Variants in CPA6 observed in about 807,000 individuals in gnomAD.
CPA6 encodes the protein carboxypeptidase A6, also known as carboxypeptidase B.
Under a neutral mutation model 63.3 loss-of-function variants are expected in CPA6, and 58 were observed. The observed-to-expected ratio is 0.92, with a 90% CI of 0.74 to 1.14. The LOEUF is 1.14. Ranked by LOEUF, CPA6 falls within the 50% of genes most tolerant of loss-of-function variation. CPA6 has a pLI of 0.00. For missense variants in CPA6, 565 were observed against 526.6 expected (o/e 1.07, Z -0.71); for synonymous variants, 185 against 179.0 (o/e 1.03, Z -0.27).
chr8:67,620,404 A>G (rs1051603265), intron 2 of CPA6, among the ~76,000 whole-genome samples: 2 of 152,160 alleles, frequency 1.3e-5, no homozygotes, highest in Non-Finnish European at 1.5e-5. Flanking sequence ...GGGCATGTAC[A>G]CCAGAGGGGA....
chr8:67,524,613 C>CTTTTTTTTTT (rs71554611), intron 2 of CPA6, among the ~76,000 whole-genome samples: 1 of 149,820 alleles, frequency 6.7e-6, no homozygotes, highest in African/African-American at 2.5e-5. Flanking sequence ...TTTGAAAAAA[C>CTTTTTTTTTT]TTTTTTTGTT....
At chr8:67,557,414 T>C (rs752973352) in intron 2 of CPA6, among the ~76,000 whole-genome samples, 6 of 152,198 alleles carry the variant, frequency 3.9e-5, no homozygotes, top group Non-Finnish European at 7.3e-5. Context: ...GCAGCTTCCA[T>C]TTCACTCCTT....
intron 1 of CPA6, among the ~76,000 whole-genome samples, chr8:67,635,329 A>G (rs901238106): frequency 6.6e-6 from 1 of 151,692 alleles, no homozygotes; most frequent in Non-Finnish European, 1.5e-5. Context: ...TTGCATGGAT[A>G]TTTGAACCTA....
chr8:67,721,279 G>A (rs1349495735), intron 1 of CPA6, among the ~76,000 whole-genome samples: 1 of 152,188 alleles, frequency 6.6e-6, no homozygotes, highest in Non-Finnish European at 1.5e-5. Context: ...TACCATGCGT[G>A]CCATTTGCTT....
rs78155606 is a variant in CPA6, at chr8:67,481,800, C to T, written c.838+1968G>A. ...GTCCCCTTCATGCAGCACATAACTG[C>T]GGGGGGATGGACCTGACCCTGGGAG... On this transcript the variant is annotated intron_variant, in intron 8 of 10. Transcript: ENST00000297770. 2.8e-3 allele frequency among the ~76,000 whole-genome samples: 428 copies of T among 152,224 alleles called. 7 individuals carry two copies. The highest frequency in any genetic ancestry group is 9.5e-3 in the African/African-American group (393 of 41,534).
chr8:67,523,576 A>G (rs751137249), intron 2 of CPA6, among the ~76,000 whole-genome samples: 4 of 152,198 alleles, frequency 2.6e-5, no homozygotes, highest in Admixed American at 1.3e-4. Context: ...GACTTGGAGC[A>G]TTCATTAAAT....
intron 1 of CPA6, among the ~76,000 whole-genome samples, chr8:67,724,019 G>T (rs1209504351): frequency 1.3e-5 from 2 of 152,066 alleles, no homozygotes; most frequent in Non-Finnish European, 1.5e-5. Flanking sequence ...ATACACAAAG[G>T]ATTAATATCT....
chr8:67,663,117 T>A (rs1176846218), intron 1 of CPA6, among the ~76,000 whole-genome samples: 2 of 152,168 alleles, frequency 1.3e-5, no homozygotes, highest in African/African-American at 2.4e-5. Flanking sequence ...TATTCAGGAC[T>A]TGAAAAATAA....
chr8:67,674,679 C>T (rs1816429090), intron 1 of CPA6, among the ~76,000 whole-genome samples: 1 of 152,070 alleles, frequency 6.6e-6, no homozygotes, highest in Non-Finnish European at 1.5e-5. Context: ...GGGCATATAC[C>T]TAAAGGAAAA....
At chr8:67,621,499 T>C (rs1028082872) in intron 2 of CPA6, among the ~76,000 whole-genome samples, 1 of 152,194 alleles carries the variant, frequency 6.6e-6, no homozygotes, top group Non-Finnish European at 1.5e-5. Flanking sequence ...CAGGCCTCAT[T>C]TGGGTCCTAG....
intron 8 of CPA6, among the ~76,000 whole-genome samples, chr8:67,482,259 G>T (rs1811375253): frequency 6.6e-6 from 1 of 152,180 alleles, no homozygotes; most frequent in Non-Finnish European, 1.5e-5. Context: ...ATGCCTGTAG[G>T]CATGTATATG....
rs541343656 is a variant in CPA6 at position 67,621,331 on chromosome 8, G to A, written c.192+2845C>T. On this transcript the variant is annotated intron_variant, in intron 2 of 10. Transcript: ENST00000297770. Reference sequence around the variant, plus strand: ...TTGGTGAGTCCTTATGCAACCCATTGAATGGGGGCATGGTCTTGGTGACCC... The same window carrying A: ...TTGGTGAGTCCTTATGCAACCCATTAAATGGGGGCATGGTCTTGGTGACCC... 1.4e-4 allele frequency among the ~76,000 whole-genome samples: 22 copies of A among 152,292 alleles called. No individual in the cohort carries two copies. In the South Asian group the frequency reaches 3.7e-3, roughly 26 times the overall value.
At position 67,422,707 on chromosome 8, in the gene CPA6, A is replaced by AAC. The variant is rs767274770; in HGVS notation, c.1127-17_1127-16insGT. ...GAGCTCACATCTAAAAGTTAAAACAAAAAAAAAAAGATCAGCCTCACTAAA... is the reference window on the plus strand; with the variant it reads ...GAGCTCACATCTAAAAGTTAAAACAAACAAAAAAAAAGATCAGCCTCACTAAA... On this transcript the variant is annotated splice_polypyrimidine_tract_variant and intron_variant, in intron 10 of 10. Coordinates refer to ENST00000297770, the MANE Select transcript of CPA6 (RefSeq NM_020361.5). 1 of 1,519,398 alleles carries AAC rather than the reference A, an allele frequency of 6.6e-7. No individual in the cohort carries two copies. The highest frequency in any genetic ancestry group is 1.2e-5 in the South Asian group (1 of 81,894). 94.1% of individuals were successfully genotyped at this position (1,519,398 alleles called of 1,614,324 possible). A position where few individuals can be genotyped will look rare whatever the true frequency, so the allele number is the denominator to read the frequency against.
intron 1 of CPA6, among the ~76,000 whole-genome samples, chr8:67,661,314 T>G (rs955013971): frequency 6.6e-6 from 1 of 152,076 alleles, no homozygotes; most frequent in Non-Finnish European, 1.5e-5. Context: ...AAGTGGCCAT[T>G]GTGGCTGGAG....
At chr8:67,549,128 T>A (rs1345482887) in intron 2 of CPA6, among the ~76,000 whole-genome samples, 1 of 152,062 alleles carries the variant, frequency 6.6e-6, no homozygotes, top group Non-Finnish European at 1.5e-5. Context: ...ATAAGAAAAT[T>A]AACTTAGGAA....
intron 1 of CPA6, among the ~76,000 whole-genome samples, chr8:67,707,646 A>G (rs1212550561): frequency 6.6e-6 from 1 of 152,162 alleles, no homozygotes; most frequent in African/African-American, 2.4e-5. Context: ...TGGTGGCTCA[A>G]GCCTGTAATC....
chr8:67,440,539 C>T (rs1203413885), intron 8 of CPA6, among the ~76,000 whole-genome samples: 1 of 152,034 alleles, frequency 6.6e-6, no homozygotes, highest in Non-Finnish European at 1.5e-5. Context: ...CCACTGTACT[C>T]CAGCCTGGGT....
chr8:67,509,478 T>C, intron 5 of CPA6, 39 bp downstream of exon 5: 1 of 946,150 alleles, frequency 1.1e-6, no homozygotes, highest in Non-Finnish European at 1.7e-6. Context: ...GGATATTTGG[T>C]AAACATTATG....
chr8:67,526,964 G>C (rs1289113500), intron 2 of CPA6, among the ~76,000 whole-genome samples: 1 of 152,074 alleles, frequency 6.6e-6, no homozygotes. Context: ...ATTTCACTAC[G>C]TTTTGCTAGC....
Sources: allele counts gnomAD v4.1 joint callset (sites outside exome capture counted in the v4.1 genomes callset), GRCh38; gene constraint gnomAD v4.1.1; transcripts MANE v1.5; gene names NCBI Gene and HGNC (gene_info 2026-07-23, HGNC 2026-07-21).